Variants in BRINP1 observed in about 807,000 individuals in gnomAD.
BRINP1 encodes the protein BMP/retinoic acid-inducible neural-specific protein 1.
In BRINP1, 17 loss-of-function variants were observed where a neutral mutation model predicts 72.9. That is an observed-to-expected ratio of 0.23 (90% CI 0.16 to 0.35). The LOEUF (loss-of-function observed/expected upper bound fraction) is 0.35, where lower values mean the gene tolerates loss of function less well. Ranked by LOEUF, BRINP1 falls within the 10% of genes least tolerant of loss-of-function variation. The probability of loss-of-function intolerance (pLI) is 1.00; values close to 1 mark genes in which losing one functional copy is unlikely to be tolerated. For synonymous variants in BRINP1, 418 were observed against 378.5 expected (o/e 1.10, Z -1.21); for missense variants, 850 against 1,001.6 (o/e 0.85, Z 2.04).
chr9:119,343,813 C>G (rs1456279143), intron 1 of BRINP1, among the ~76,000 whole-genome samples: 1 of 152,212 alleles, frequency 6.6e-6, no homozygotes, highest in Non-Finnish European at 1.5e-5. Flanking sequence ...CCCACCTACT[C>G]AGATTTCATT....
intron 1 of BRINP1, among the ~76,000 whole-genome samples, chr9:119,328,544 G>T (rs1831262374): frequency 6.6e-6 from 1 of 152,132 alleles, no homozygotes; most frequent in Admixed American, 6.5e-5. Flanking sequence ...AAGATAATTA[G>T]CACTTATTGA....
At chr9:119,271,182 G>A (rs947695069) in intron 2 of BRINP1, among the ~76,000 whole-genome samples, 3 of 151,978 alleles carry the variant, frequency 2.0e-5, no homozygotes, top group Admixed American at 1.3e-4. Context: ...TAGGCAAAGG[G>A]AATAGCTCAT....
rs760402235 is a variant in BRINP1, at chr9:119,167,469, C to G, written c.1901G>C (p.Gly634Ala). 1.1e-5 allele frequency: 17 copies of G among 1,613,956 alleles called. No individual in the cohort carries two copies. The highest frequency in any genetic ancestry group is 2.2e-5 in the East Asian group (1 of 44,878). The part of the protein sequence containing the change: ...RLPTLLRNET[G>A]QGPVDLSDPS... ...ATCCGACAGGTCCACGGGGCCCTGG[C>G]CAGTCTCATTTCGCAGTAGGGTAGG... The change falls in exon 8 of 8, where the codon GGC becomes GCC. Residue 634 changes from glycine (G) to alanine (A), a missense_variant. Physicochemically the swap from Gly to Ala is moderately conservative, Grantham distance 60 (BLOSUM62 0). Coordinates refer to ENST00000265922, the MANE Select transcript of BRINP1 (RefSeq NM_014618.3). This position sits in a 1 kb window ranked among gnomAD's most constrained non-coding sequence, Gnocchi z 4.3.
chr9:119,329,041 C>G (rs532417801), intron 1 of BRINP1, among the ~76,000 whole-genome samples: 44 of 152,270 alleles, frequency 2.9e-4, no homozygotes, highest in African/African-American at 1.0e-3. Flanking sequence ...TGGAGGCAGA[C>G]TTGGAGGCAG....
intron 7 of BRINP1, among the ~76,000 whole-genome samples, chr9:119,196,040 C>G (rs999803594): frequency 6.6e-6 from 1 of 152,182 alleles, no homozygotes; most frequent in Non-Finnish European, 1.5e-5. Flanking sequence ...CTTATTCAAA[C>G]AGATACCACT....
intron 7 of BRINP1, among the ~76,000 whole-genome samples, chr9:119,199,623 C>T (rs1829782716): frequency 6.6e-6 from 1 of 152,124 alleles, no homozygotes; most frequent in Non-Finnish European, 1.5e-5. Context: ...TGTCTGCCCT[C>T]AAGTTAAGCT....
intron 1 of BRINP1, among the ~76,000 whole-genome samples, chr9:119,344,833 C>G (rs765458654): frequency 3.3e-5 from 5 of 152,144 alleles, no homozygotes; most frequent in Admixed American, 6.5e-5. Flanking sequence ...TCTTTTTTAA[C>G]GTAGCCCCTG....
chr9:119,328,816 C>T (rs1831265308), intron 1 of BRINP1, among the ~76,000 whole-genome samples: 1 of 152,108 alleles, frequency 6.6e-6, no homozygotes, highest in Non-Finnish European at 1.5e-5. Flanking sequence ...GTCAAAAAGA[C>T]TTCTCAGGGG....
chr9:119,193,955 T>C (rs1429707846), intron 7 of BRINP1, among the ~76,000 whole-genome samples: 2 of 152,136 alleles, frequency 1.3e-5, no homozygotes, highest in East Asian at 3.9e-4. Context: ...AAATTCCCTT[T>C]TGTACCTCTG....
At chr9:119,311,997 T>A (rs541111787) in intron 2 of BRINP1, among the ~76,000 whole-genome samples, 1 of 152,288 alleles carries the variant, frequency 6.6e-6, no homozygotes, top group African/African-American at 2.4e-5. Context: ...ACACTGCCCA[T>A]CTCATAGAGG....
chr9:119,320,739 A>G (rs745747775), intron 1 of BRINP1, among the ~76,000 whole-genome samples: 24 of 152,200 alleles, frequency 1.6e-4, no homozygotes, highest in Admixed American at 1.1e-3. Flanking sequence ...GGTGGGTTCA[A>G]TGCTCGGCTA....
chr9:119,338,370 T>C (rs1831370652), intron 1 of BRINP1, among the ~76,000 whole-genome samples: 1 of 151,920 alleles, frequency 6.6e-6, no homozygotes, highest in African/African-American at 2.4e-5. Context: ...GTTCCTGTTT[T>C]TTATATCTCT....
chr9:119,318,844 G>GGGGGT (rs111313745), intron 1 of BRINP1, among the ~76,000 whole-genome samples: 4,496 of 142,208 alleles, frequency 0.032, 88 homozygotes, highest in Non-Finnish European at 0.042. Context: ...AAATGTGTGG[G>GGGGGT]GTGTGTGTGT....
At chr9:119,313,026 C>T (rs1470551780) in intron 2 of BRINP1, 112 bp downstream of exon 2, 2 of 1,250,076 alleles carry the variant, frequency 1.6e-6, no homozygotes, top group African/African-American at 1.5e-5. Context: ...GGAAGGAGCA[C>T]AGACCCTTGA....
intron 1 of BRINP1, among the ~76,000 whole-genome samples, chr9:119,348,816 C>T (rs956595808): frequency 6.6e-6 from 1 of 152,084 alleles, no homozygotes; most frequent in African/African-American, 2.4e-5. Context: ...GAAGCCAGGC[C>T]TGGTGCATAG....
intron 6 of BRINP1, among the ~76,000 whole-genome samples, chr9:119,209,759 A>T (rs1249165251): frequency 6.6e-6 from 1 of 152,208 alleles, no homozygotes; most frequent in Admixed American, 6.5e-5. Context: ...AAATGCAGGC[A>T]ATTAGCAAGT....
chr9:119,319,360 T>A (rs536423427), intron 1 of BRINP1, among the ~76,000 whole-genome samples: 11 of 152,298 alleles, frequency 7.2e-5, no homozygotes, highest in African/African-American at 2.6e-4. Context: ...TCAGAATATA[T>A]CTCTGTTGAT....
intron 2 of BRINP1, among the ~76,000 whole-genome samples, chr9:119,284,033 CTA>C (rs1395114132): frequency 6.6e-6 from 1 of 152,178 alleles, no homozygotes; most frequent in Non-Finnish European, 1.5e-5. Context: ...GAATCCAAAT[CTA>C]TAGTTTTAAT....
intron 4 of BRINP1, 83 bp from the exon 5 acceptor site, chr9:119,238,843 C>G (rs1025345375): frequency 1.1e-6 from 1 of 884,566 alleles, no homozygotes; most frequent in Non-Finnish European, 1.7e-6. Context: ...CCCAGCAGAG[C>G]AAAGCCTGCA....
Sources: allele counts gnomAD v4.1 joint callset (sites outside exome capture counted in the v4.1 genomes callset), GRCh38; gene constraint gnomAD v4.1.1; non-coding constraint Gnocchi (gnomAD v3.1); transcripts MANE v1.5; gene names NCBI Gene and HGNC (gene_info 2026-07-23, HGNC 2026-07-21).